PLXNA4: variants seen among roughly 807,000 people sequenced by gnomAD.
The protein encoded by PLXNA4 is plexin-A4.
A neutral mutation model predicts 191.8 loss-of-function variants in PLXNA4; 44 were observed. The ratio of observed to expected loss-of-function variants is 0.23; its 90% CI spans 0.18 to 0.29. The LOEUF is 0.29. PLXNA4 is among the 10% of genes least tolerant of loss of function. The pLI is 1.00. For synonymous variants in PLXNA4, 1,082 were observed against 1,009.5 expected (o/e 1.07, Z -1.36); for missense variants, 1,800 against 2,488.8 (o/e 0.72, Z 5.89).
At chr7:132,634,945 C>A (rs1803566962) in intron 2 of PLXNA4, among the ~76,000 whole-genome samples, 2 of 152,038 alleles carry the variant, frequency 1.3e-5, no homozygotes, top group African/African-American at 4.8e-5. Flanking sequence ...AATCAGCTGC[C>A]AGTGTGGTTA....
chr7:132,430,676 G>C (rs746377294), intron 3 of PLXNA4, among the ~76,000 whole-genome samples: 1 of 152,210 alleles, frequency 6.6e-6, no homozygotes, highest in African/African-American at 2.4e-5. Context: ...TAGCTTGAGT[G>C]CTAACAACCC....
chr7:132,580,738 A>G (rs896878316), upstream of PLXNA4, among the ~76,000 whole-genome samples: 2 of 152,208 alleles, frequency 1.3e-5, no homozygotes, highest in African/African-American at 4.8e-5. Context: ...TAAGTTGATA[A>G]AAGCCAGATT....
intron 3 of PLXNA4, among the ~76,000 whole-genome samples, chr7:132,382,391 G>A (rs1475586676): frequency 3.3e-5 from 5 of 152,070 alleles, no homozygotes; most frequent in Non-Finnish European, 7.4e-5. Context: ...CTGCCTTCAG[G>A]CTGTCATGCA....
chr7:132,378,008 C>T (rs112233817), intron 3 of PLXNA4, among the ~76,000 whole-genome samples: 2 of 152,222 alleles, frequency 1.3e-5, no homozygotes, highest in South Asian at 2.1e-4. Context: ...TAGCACTGTT[C>T]CCCCAAATAT....
At position 132,375,987 on chromosome 7, in the gene PLXNA4, T is replaced by C. The variant is rs185763211; in HGVS notation, c.1372-77765A>G. On this transcript the variant is annotated intron_variant, in intron 3 of 31. Coordinates refer to ENST00000321063, the MANE Select transcript of PLXNA4 (RefSeq NM_020911.2). ...ACAGAAAAGAGCAGACAGTAGAGTT[T>C]GAGTCCCAACGCCACTGGCATGACC... Among the ~76,000 whole-genome samples the C allele has an allele frequency of 2.5e-3, 382 of 152,300 alleles. 1 individual carries two copies. Among genetic ancestry groups the C allele is most frequent in the African/African-American group, 8.7e-3 (363 of 41,586 alleles).
intron 3 of PLXNA4, among the ~76,000 whole-genome samples, chr7:132,449,866 G>C (rs183709133): frequency 1.4e-4 from 21 of 152,334 alleles, no homozygotes; most frequent in Middle Eastern, 3.4e-3. Context: ...AGACCTCTCT[G>C]AGAATCTTCT....
intron 8 of PLXNA4, among the ~76,000 whole-genome samples, chr7:132,225,897 G>A (rs759622210): frequency 2.6e-5 from 4 of 152,178 alleles, no homozygotes; most frequent in African/African-American, 2.4e-5. Context: ...GGGATGTGGA[G>A]AGCCCCACTC....
At chr7:132,280,502 T>C (rs1800438860) in intron 4 of PLXNA4, among the ~76,000 whole-genome samples, 1 of 152,258 alleles carries the variant, frequency 6.6e-6, no homozygotes, top group Admixed American at 6.5e-5. Context: ...CCAGCATTAA[T>C]GGCCATAGCC....
intron 10 of PLXNA4, among the ~76,000 whole-genome samples, chr7:132,207,988 G>A (rs2116887921): frequency 6.6e-6 from 1 of 152,290 alleles, no homozygotes; most frequent in South Asian, 2.1e-4. Flanking sequence ...TGCCCTCTCT[G>A]GGCCTTGGAG....
intron 12 of PLXNA4, among the ~76,000 whole-genome samples, chr7:132,201,199 C>T (rs928072824): frequency 3.3e-5 from 5 of 152,112 alleles, no homozygotes; most frequent in African/African-American, 9.7e-5. Flanking sequence ...ACAGATGCTT[C>T]CCTCACAGCC....
chr7:132,420,681 G>A (rs1398973535), intron 3 of PLXNA4, among the ~76,000 whole-genome samples: 1 of 152,188 alleles, frequency 6.6e-6, no homozygotes, highest in African/African-American at 2.4e-5. Context: ...GATATGGTTT[G>A]GCTGTGTCCC....
chr7:132,260,326 A>T (rs1799592630), intron 4 of PLXNA4, among the ~76,000 whole-genome samples: 1 of 152,244 alleles, frequency 6.6e-6, no homozygotes, highest in African/African-American at 2.4e-5. Flanking sequence ...CTATGTACTC[A>T]TAATAAAGAA....
intron 2 of PLXNA4, among the ~76,000 whole-genome samples, chr7:132,632,726 T>G (rs1803517914): frequency 6.6e-6 from 1 of 152,230 alleles, no homozygotes. Context: ...TTTAAATGAC[T>G]TGTTAACACC....
At chr7:132,182,725 G>T (rs1302654472) in intron 16 of PLXNA4, among the ~76,000 whole-genome samples, 1 of 152,178 alleles carries the variant, frequency 6.6e-6, no homozygotes, top group Non-Finnish European at 1.5e-5. Context: ...AAGGCAGAGG[G>T]TCCATGAATG....
chr7:132,559,676 T>C (rs571443217), intron 1 of PLXNA4, among the ~76,000 whole-genome samples: 4 of 152,340 alleles, frequency 2.6e-5, no homozygotes, highest in South Asian at 4.1e-4. Context: ...TCTCTGCAGT[T>C]CCTATGACAT....
intron 1 of PLXNA4, among the ~76,000 whole-genome samples, chr7:132,524,576 C>CT (rs898938521): frequency 4.0e-5 from 6 of 151,892 alleles, no homozygotes; most frequent in Admixed American, 6.6e-5. Context: ...AAGAGCAAGA[C>CT]TTTTTTTTGT....
intron 1 of PLXNA4, among the ~76,000 whole-genome samples, chr7:132,549,386 C>G (rs751460299): frequency 6.6e-6 from 1 of 152,036 alleles, no homozygotes; most frequent in Non-Finnish European, 1.5e-5. Context: ...CTACTCACAC[C>G]CTTGAGGTGT....
intron 16 of PLXNA4, 102 bp downstream of exon 16, chr7:132,185,197 C>T: frequency 6.9e-7 from 1 of 1,451,178 alleles, no homozygotes; most frequent in East Asian, 2.5e-5. Context: ...TCATCCATCC[C>T]CCAAGCAGGA....
chr7:132,265,889 G>A (rs976006226), intron 4 of PLXNA4, among the ~76,000 whole-genome samples: 8 of 152,202 alleles, frequency 5.3e-5, no homozygotes, highest in Non-Finnish European at 7.3e-5. Context: ...CCTTAATGCC[G>A]AAGAGCAGGG....
Sources: allele counts gnomAD v4.1 joint callset (sites outside exome capture counted in the v4.1 genomes callset), GRCh38; gene constraint gnomAD v4.1.1; transcripts MANE v1.5; gene names NCBI Gene and HGNC (gene_info 2026-07-23, HGNC 2026-07-21).